Variants in DIS3L2 observed in about 807,000 individuals in gnomAD.
The protein encoded by DIS3L2 is DIS3 like 3'-5' exoribonuclease 2.
A neutral mutation model predicts 97.5 loss-of-function variants in DIS3L2; 34 were observed. The ratio of observed to expected loss-of-function variants is 0.35; its 90% confidence interval spans 0.27 to 0.46. The LOEUF (loss-of-function observed/expected upper bound fraction) is 0.46. Among genes scored for constraint, DIS3L2 ranks in the 20% least tolerant of loss-of-function variants. The pLI is 1.00. For synonymous variants in DIS3L2, 435 were observed against 445.2 expected (o/e 0.98, Z 0.29); for missense variants, 1,038 against 1,146.0 (o/e 0.91, Z 1.36).
chr2:232,073,895 G>A (rs996406088), intron 5 of DIS3L2, among the ~76,000 whole-genome samples: 4 of 152,190 alleles, frequency 2.6e-5, no homozygotes, highest in Admixed American at 1.3e-4. Flanking sequence ...ACTACACAGC[G>A]TAGACGAGAT....
intron 14 of DIS3L2, 28 bp from the exon 15 acceptor site, chr2:232,329,785 T>TGCCCGGGGGGGGGGGGGCCC: frequency 1.0e-6 from 1 of 967,144 alleles, no homozygotes; most frequent in Non-Finnish European, 1.5e-6. Flanking sequence ...ACCCCAGCGG[T>TGCCCGGGGGGGGGGGGGCCC]CCCTCCCATC....
chr2:231,980,575 G>A (rs890982140), intron 1 of DIS3L2, among the ~76,000 whole-genome samples: 2 of 152,118 alleles, frequency 1.3e-5, no homozygotes, highest in African/African-American at 4.8e-5. Context: ...GCATGCACCT[G>A]TATTCCCAGC....
intron 6 of DIS3L2, among the ~76,000 whole-genome samples, chr2:232,100,596 GTTTTC>G (rs1450071321): frequency 6.6e-5 from 10 of 151,544 alleles, no homozygotes; most frequent in African/African-American, 9.7e-5. Context: ...ACTTTTAAAT[GTTTTC>G]TTTTCTTTGT....
chr2:232,120,156 A>G (rs1336517658), intron 6 of DIS3L2, among the ~76,000 whole-genome samples: 1 of 152,106 alleles, frequency 6.6e-6, no homozygotes, highest in Non-Finnish European at 1.5e-5. Flanking sequence ...TGTGACACCA[A>G]ATTTGAAATG....
intron 14 of DIS3L2, among the ~76,000 whole-genome samples, chr2:232,302,544 TTTC>T (rs1407506737): frequency 4.7e-5 from 7 of 149,234 alleles, no homozygotes; most frequent in East Asian, 2.0e-4. Context: ...TTTCATTTAT[TTTC>T]TTCTTCTTCT....
chr2:232,247,951 G>C (rs1294064485), intron 11 of DIS3L2, among the ~76,000 whole-genome samples: 1 of 152,156 alleles, frequency 6.6e-6, no homozygotes. Flanking sequence ...AGCGAAGGCT[G>C]GTAGGAAAAG....
intron 8 of DIS3L2, among the ~76,000 whole-genome samples, chr2:232,146,071 T>C (rs1690208092): frequency 6.6e-6 from 1 of 152,134 alleles, no homozygotes; most frequent in Admixed American, 6.5e-5. Context: ...CTATATTCCA[T>C]GAAGATGAAA....
At chr2:232,244,122 A>T (rs141952770) in intron 11 of DIS3L2, among the ~76,000 whole-genome samples, 1 of 152,256 alleles carries the variant, frequency 6.6e-6, no homozygotes, top group African/African-American at 2.4e-5. Flanking sequence ...ACTGGTTTTT[A>T]TCTGAGAGAG....
At chr2:232,329,785 T>TCCCCGGGGGGGGCCC in intron 14 of DIS3L2, 28 bp from the exon 15 acceptor site, 166 of 966,944 alleles carry the variant, frequency 1.7e-4, no homozygotes, top group Middle Eastern at 3.5e-4. Flanking sequence ...ACCCCAGCGG[T>TCCCCGGGGGGGGCCC]CCCTCCCATC....
rs533933920 is a variant in DIS3L2, at chr2:232,343,813, T to C, written c.*238T>C. The C allele has an allele frequency of 8.5e-5, 40 of 470,538 alleles. No individual in the cohort carries two copies. In the South Asian group the frequency reaches 1.2e-3, roughly 14 times the overall value. 29.1% of individuals were successfully genotyped at this position (470,538 alleles called of 1,614,324 possible). On this transcript the variant is annotated 3_prime_UTR_variant, in exon 14 of 14. Coordinates refer to the DIS3L2 transcript ENST00000273009. ...GCCAGGAAAGCCAAGTACATTCCAA[T>C]ACCCAATCTTTTCCCTCAGATTTTC...
chr2:231,982,624 T>C (rs971443571), intron 1 of DIS3L2, among the ~76,000 whole-genome samples: 8 of 152,168 alleles, frequency 5.3e-5, no homozygotes, highest in African/African-American at 1.9e-4. Flanking sequence ...AAATGCCTCC[T>C]TTATCATATA....
At chr2:232,275,223 C>A (rs550117911) in intron 13 of DIS3L2, among the ~76,000 whole-genome samples, 1 of 152,348 alleles carries the variant, frequency 6.6e-6, no homozygotes, top group South Asian at 2.1e-4. Context: ...TGCGGAACAC[C>A]ATCAGCTTTC....
At chr2:232,318,076 G>A (rs1695326336) in intron 14 of DIS3L2, among the ~76,000 whole-genome samples, 1 of 152,214 alleles carries the variant, frequency 6.6e-6, no homozygotes, top group Non-Finnish European at 1.5e-5. Flanking sequence ...CTGTTATAAA[G>A]TGAAGCTGCC....
At chr2:232,279,707 T>C (rs1222960940) in intron 13 of DIS3L2, among the ~76,000 whole-genome samples, 1 of 152,066 alleles carries the variant, frequency 6.6e-6, no homozygotes, top group Non-Finnish European at 1.5e-5. Context: ...TATTTTATAT[T>C]TTTAGTAGAG....
intron 6 of DIS3L2, among the ~76,000 whole-genome samples, chr2:232,102,978 G>T (rs1697249554): frequency 6.6e-6 from 1 of 152,098 alleles, no homozygotes. Flanking sequence ...TAAAAATCTT[G>T]AGTAAAGATT....
chr2:231,984,384 CTTTTTTTTTTTTTT>C (rs1297535054), intron 1 of DIS3L2, among the ~76,000 whole-genome samples: 1 of 126,022 alleles, frequency 7.9e-6, no homozygotes, highest in Non-Finnish European at 1.7e-5. Flanking sequence ...ACTGCAACTT[CTTTTTTTTTTTTTT>C]TTTTTTGAGA....
At chr2:232,006,599 T>A (rs1174448635) in intron 1 of DIS3L2, among the ~76,000 whole-genome samples, 1 of 152,210 alleles carries the variant, frequency 6.6e-6, no homozygotes, top group East Asian at 1.9e-4. Flanking sequence ...AGCAGGATGT[T>A]GGAAAGTTAA....
chr2:232,044,941 T>C (rs1695197580), intron 5 of DIS3L2, among the ~76,000 whole-genome samples: 1 of 152,122 alleles, frequency 6.6e-6, no homozygotes, highest in South Asian at 2.1e-4. Context: ...AGTAGAGTTG[T>C]TATTTATTGC....
chr2:232,127,987 G>C (rs1184249922), intron 6 of DIS3L2, among the ~76,000 whole-genome samples: 1 of 151,892 alleles, frequency 6.6e-6, no homozygotes, highest in African/African-American at 2.4e-5. Flanking sequence ...GGCTCACTGC[G>C]TCGCCAAGGC....
Sources: gnomAD v4.1 joint callset for allele counts (sites outside exome capture counted in the v4.1 genomes callset) on GRCh38, gnomAD v4.1.1 for gene constraint, MANE v1.5 for transcripts, NCBI Gene and HGNC (gene_info 2026-07-23, HGNC 2026-07-21) for gene names.